Variants in MAN1C1 observed in about 807,000 individuals in gnomAD.
The protein encoded by MAN1C1 is mannosyl-oligosaccharide 1,2-alpha-mannosidase IC.
A neutral mutation model predicts 71.5 loss-of-function variants in MAN1C1; 49 were observed. The ratio of observed to expected loss-of-function variants is 0.69; its 90% CI spans 0.54 to 0.87. The LOEUF is 0.87. MAN1C1 is among the 40% of genes least tolerant of loss of function. The pLI is 0.00. For missense variants in MAN1C1, 743 were observed against 835.0 expected (o/e 0.89, Z 1.36); for synonymous variants, 352 against 343.7 (o/e 1.02, Z -0.27).
rs375853367 is a variant in MAN1C1 at position 25,675,237 on chromosome 1, G to A, written c.541-11203G>A. ...AGACTTTTATCCCTCAACCCCTGCA[G>A]TCTTTCCCCCAACTCTGAGTCCCCA... On this transcript the variant is annotated intron_variant, in intron 1 of 11. Coordinates refer to ENST00000374332, the MANE Select transcript of MAN1C1 (RefSeq NM_020379.4). 3.9e-5 allele frequency among the ~76,000 whole-genome samples: 6 copies of A among 152,092 alleles called. No individual in the cohort carries two copies. The East Asian group carries it at 7.7e-4, about 20-fold the overall frequency.
chr1:25,742,444 C>G (rs1431146147), intron 2 of MAN1C1, among the ~76,000 whole-genome samples: 1 of 152,144 alleles, frequency 6.6e-6, no homozygotes. Flanking sequence ...TAAGTTGGGC[C>G]AAGGGTTTTT....
chr1:25,689,595 C>T (rs1373835547), intron 2 of MAN1C1, among the ~76,000 whole-genome samples: 1 of 152,124 alleles, frequency 6.6e-6, no homozygotes, highest in Non-Finnish European at 1.5e-5. Flanking sequence ...TGGGGTGAAC[C>T]CATGAGGGGC....
At chr1:25,745,448 C>T (rs936779994) in intron 2 of MAN1C1, among the ~76,000 whole-genome samples, 27 of 151,870 alleles carry the variant, frequency 1.8e-4, no homozygotes, top group Admixed American at 6.6e-5. Flanking sequence ...TGGGTCATAC[C>T]AGACTTAGTT....
intron 1 of MAN1C1, among the ~76,000 whole-genome samples, chr1:25,655,240 G>T (rs1247292113): frequency 1.3e-5 from 2 of 152,142 alleles, no homozygotes; most frequent in African/African-American, 4.8e-5. Context: ...AAAATGTGGG[G>T]ATAAAACTCG....
chr1:25,656,093 G>GTTTTTTTTTTTTTTT (rs1557751359), intron 1 of MAN1C1, among the ~76,000 whole-genome samples: 26 of 79,870 alleles, frequency 3.3e-4, no homozygotes, highest in East Asian at 5.4e-4. Flanking sequence ...GGGATTATCA[G>GTTTTTTTTTTTTTTT]TCTTTTTTTT....
intron 2 of MAN1C1, among the ~76,000 whole-genome samples, chr1:25,704,788 A>G (rs1273463036): frequency 1.3e-5 from 2 of 152,258 alleles, no homozygotes; most frequent in Admixed American, 1.3e-4. Context: ...GTTGTCATCC[A>G]GATACTCTGA....
At chr1:25,719,756 G>A (rs2046738660) in intron 2 of MAN1C1, among the ~76,000 whole-genome samples, 1 of 151,990 alleles carries the variant, frequency 6.6e-6, no homozygotes, top group Non-Finnish European at 1.5e-5. Flanking sequence ...ATTCTAGTGG[G>A]TGGAAAGTGA....
rs1413275469 is a variant in MAN1C1, at chr1:25,735,454, A to G, written c.638-11214A>G. 8.5e-5 allele frequency among the ~76,000 whole-genome samples: 13 copies of G among 152,062 alleles called. No individual in the cohort carries two copies. Among genetic ancestry groups the G allele is most frequent in the East Asian group, 1.9e-4 (1 of 5,192 alleles). ...TGTATGTATGTGTATGTATATATAT[A>G]TGTGTGTATCTATATATGTGTATGT... is the stretch of plus-strand genomic sequence containing the variant. On this transcript the variant is annotated intron_variant, in intron 2 of 11. Coordinates refer to ENST00000374332, the MANE Select transcript of MAN1C1 (RefSeq NM_020379.4). This position sits in a 1 kb window ranked among gnomAD's most constrained non-coding sequence, Gnocchi z 4.6.
At chr1:25,684,440 G>A (rs1051418238) in intron 1 of MAN1C1, among the ~76,000 whole-genome samples, 1 of 152,234 alleles carries the variant, frequency 6.6e-6, no homozygotes, top group Non-Finnish European at 1.5e-5. Context: ...CCAAGCCTGG[G>A]GGGGTGTCAG....
At chr1:25,748,869 C>A (rs772158817) in intron 3 of MAN1C1, among the ~76,000 whole-genome samples, 4 of 152,172 alleles carry the variant, frequency 2.6e-5, no homozygotes, top group Non-Finnish European at 4.4e-5. Context: ...TCCTGCTGAG[C>A]CTTGGGGTCT....
intron 2 of MAN1C1, among the ~76,000 whole-genome samples, chr1:25,699,391 A>G (rs2046408635): frequency 1.3e-5 from 2 of 151,404 alleles, no homozygotes; most frequent in African/African-American, 4.9e-5. Flanking sequence ...TAGATGGGAG[A>G]TGTGGCAAGA....
At chr1:25,732,448 T>A (rs975630847) in intron 2 of MAN1C1, among the ~76,000 whole-genome samples, 6 of 152,186 alleles carry the variant, frequency 3.9e-5, no homozygotes, top group Admixed American at 1.3e-4. Context: ...AGTTTCCCCA[T>A]CTGTAAAACA....
At chr1:25,694,125 T>A (rs540416917) in intron 2 of MAN1C1, among the ~76,000 whole-genome samples, 1 of 152,346 alleles carries the variant, frequency 6.6e-6, no homozygotes, top group East Asian at 1.9e-4. Flanking sequence ...TTCCCTCATG[T>A]CCTTCGGCCT....
chr1:25,753,699 G>T lies in MAN1C1; in HGVS notation c.929+121G>T. ...CAGTAGGCAGGCAAGCAGGAGGGGGGACCCTTGGGACCACCTCTGTTGAAC... is the reference window on the plus strand; with the variant it reads ...CAGTAGGCAGGCAAGCAGGAGGGGGTACCCTTGGGACCACCTCTGTTGAAC... On this transcript the variant is annotated intron_variant, in intron 5 of 11. Transcript: ENST00000374332. This position sits in a 1 kb window ranked among gnomAD's most constrained non-coding sequence, Gnocchi z 4.9. 2 of 730,318 alleles carry T rather than the reference G, an allele frequency of 2.7e-6. No homozygotes were observed. The highest frequency in any genetic ancestry group is 1.9e-5 in the South Asian group (1 of 53,854). 45.2% of individuals were successfully genotyped at this position (730,318 alleles called of 1,614,324 possible).
chr1:25,768,069 A>C (rs757169909), intron 7 of MAN1C1, among the ~76,000 whole-genome samples: 5 of 17,538 alleles, frequency 2.9e-4, no homozygotes, highest in East Asian at 0.021. Context: ...TCACACACAC[A>C]CACACTCCCC....
Position 25,780,895 on chromosome 1 carries a change from A to T in MAN1C1, c.1478-45A>T, listed in dbSNP as rs1021000905. On this transcript the variant is annotated intron_variant, in intron 9 of 11. Coordinates refer to ENST00000374332, the MANE Select transcript of MAN1C1 (RefSeq NM_020379.4). ...TCTCTCCTGGATCCCGAAAAGCAGG[A>T]GGTGGGAGGTCTGACCTGGGCCCTC... 1.1e-5 allele frequency: 17 copies of T among 1,590,344 alleles called. No homozygotes were observed. In the African/African-American group the frequency reaches 2.3e-4, roughly 21 times the overall value.
chr1:25,704,625 A>C (rs1253549903), intron 2 of MAN1C1, among the ~76,000 whole-genome samples: 1 of 152,230 alleles, frequency 6.6e-6, no homozygotes. Context: ...ACAGCTGACA[A>C]AGTTATGACA....
At chr1:25,736,813 C>T (rs1466916072) in intron 2 of MAN1C1, among the ~76,000 whole-genome samples, 1 of 152,218 alleles carries the variant, frequency 6.6e-6, no homozygotes, top group Non-Finnish European at 1.5e-5. Flanking sequence ...ATGCCTGAGC[C>T]ACTGCACCCC....
intron 1 of MAN1C1, among the ~76,000 whole-genome samples, chr1:25,671,580 C>T (rs1295124554): frequency 6.6e-6 from 1 of 152,118 alleles, no homozygotes; most frequent in Non-Finnish European, 1.5e-5. Context: ...TTGCCTGTGC[C>T]CCAGAACATC....
Sources: allele counts gnomAD v4.1 joint callset (sites outside exome capture counted in the v4.1 genomes callset), GRCh38; gene constraint gnomAD v4.1.1; non-coding constraint Gnocchi (gnomAD v3.1); transcripts MANE v1.5; gene names NCBI Gene and HGNC (gene_info 2026-07-23, HGNC 2026-07-21).